Variants in ANK2 observed in about 807,000 individuals in gnomAD.
The protein encoded by ANK2 is ankyrin 2, also known as ankyrin-2.
A neutral mutation model predicts 360.5 loss-of-function variants in ANK2; 83 were observed. The ratio of observed to expected loss-of-function variants is 0.23; its 90% CI spans 0.19 to 0.28. The LOEUF (loss-of-function observed/expected upper bound fraction) is 0.28, where lower values mean the gene tolerates loss of function less well. ANK2 is among the 10% of genes least tolerant of loss of function. The probability of loss-of-function intolerance (pLI) is 1.00; values close to 1 mark genes in which losing one functional copy is unlikely to be tolerated. For missense variants in ANK2, 4,201 were observed against 4,795.7 expected (o/e 0.88, Z 3.66); for synonymous variants, 1,740 against 1,759.5 (o/e 0.99, Z 0.28).
chr4:113,169,713 A>G (rs1053727534), intron 1 of ANK2, among the ~76,000 whole-genome samples: 2 of 152,222 alleles, frequency 1.3e-5, no homozygotes, highest in Non-Finnish European at 2.9e-5. Context: ...TTTAAAGTAT[A>G]TAAAAAATTA....
chr4:112,773,136 G>C, the ANK2 span, among the ~76,000 whole-genome samples: 1 of 152,052 alleles, frequency 6.6e-6, no homozygotes, highest in South Asian at 2.1e-4. Flanking sequence ...TGGGCAACAT[G>C]GCAAAACCCC....
intron 2 of ANK2, among the ~76,000 whole-genome samples, chr4:112,913,411 C>T (rs1280077282): frequency 6.6e-6 from 1 of 152,136 alleles, no homozygotes; most frequent in African/African-American, 2.4e-5. Context: ...ACGATCCTAC[C>T]ACCTCAACCT....
chr4:113,276,274 T>A (rs951079005), intron 15 of ANK2, among the ~76,000 whole-genome samples: 7 of 152,184 alleles, frequency 4.6e-5, no homozygotes, highest in Admixed American at 3.3e-4. Flanking sequence ...TGACTAGGGC[T>A]GAACAGTGGT....
chr4:113,122,870 A>G (rs1475991697), intron 1 of ANK2, among the ~76,000 whole-genome samples: 1 of 151,722 alleles, frequency 6.6e-6, no homozygotes, highest in Non-Finnish European at 1.5e-5. Flanking sequence ...TGCATTATTA[A>G]TGACACTCTT....
intron 1 of ANK2, among the ~76,000 whole-genome samples, chr4:113,152,732 T>C (rs7666110): frequency 0.69 from 103,976 of 151,730 alleles, 36,182 homozygotes; most frequent in African/African-American, 0.8. Flanking sequence ...CACAGGGAGA[T>C]TCTGTCTCTA....
chr4:112,740,151 A>G, the ANK2 span, among the ~76,000 whole-genome samples: 2 of 149,488 alleles, frequency 1.3e-5, no homozygotes, highest in African/African-American at 2.4e-5. Context: ...TCTGATGAGG[A>G]AAAAAAAAAG....
At chr4:113,109,087 A>C (rs1345597867) in intron 1 of ANK2, among the ~76,000 whole-genome samples, 1 of 151,986 alleles carries the variant, frequency 6.6e-6, no homozygotes, top group African/African-American at 2.4e-5. Context: ...ATCTGTTCTT[A>C]CGCAAAGCAG....
intron 1 of ANK2, among the ~76,000 whole-genome samples, chr4:113,066,093 A>G (rs537096908): frequency 6.6e-6 from 1 of 152,340 alleles, no homozygotes; most frequent in South Asian, 2.1e-4. Flanking sequence ...TGAACCATTA[A>G]CACATATGTC....
rs953103720 is a variant in ANK2 at position 113,323,320 on chromosome 4, C to G, written c.2900+4700C>G. Among the ~76,000 whole-genome samples the G allele has an allele frequency of 7.2e-5, 11 of 152,024 alleles. No individual in the cohort carries two copies. In the East Asian group the frequency reaches 1.9e-3, roughly 27 times the overall value. On this transcript the variant is annotated intron_variant, in intron 26 of 45. Coordinates refer to ENST00000357077, the MANE Select transcript of ANK2 (RefSeq NM_001148.6). The stretch of plus-strand genomic sequence containing the variant: ...TTGTTGATCTATACTTTAAATTGTG[C>G]CTTTTCTTTTTGCATTTCTTCTGTG...
chr4:113,146,400 T>C (rs1346075082), intron 1 of ANK2, among the ~76,000 whole-genome samples: 1 of 152,208 alleles, frequency 6.6e-6, no homozygotes, highest in African/African-American at 2.4e-5. Context: ...TCTCACTAAG[T>C]CACAGAGCAT....
chr4:113,017,165 C>T (rs2056858317), intron 2 of ANK2, among the ~76,000 whole-genome samples: 1 of 152,120 alleles, frequency 6.6e-6, no homozygotes, highest in African/African-American at 2.4e-5. Flanking sequence ...TGTATTTTCT[C>T]TGTAAGGGTT....
In ANK2 at chr4:113,049,742, A is replaced by T; in HGVS notation, c.14A>T (p.Asp5Val). The change falls in exon 1 of 46, where the codon GAT becomes GTT. Residue 5 changes from aspartate to valine, a missense_variant. Around this residue, in one of 4 missense-constraint regions of ANK2, gnomAD observed 169 missense variants for 191.1 expected, o/e 0.88. Coordinates refer to ENST00000357077, the MANE Select transcript of ANK2 (RefSeq NM_001148.6). The part of the protein sequence containing the change: MMNE[D>V]AAQKSDSGEK... ...AAACTGTTCAAAATGATGAACGAAG[A>T]TGCAGCTCAGAAAAGCGACAGTGGA... 6.3e-7 allele frequency: 1 copy of T among 1,596,904 alleles called. No individual in the cohort carries two copies. The highest frequency in any genetic ancestry group is 8.5e-7 in the Non-Finnish European group (1 of 1,169,814).
At chr4:113,322,759 A>G (rs549306239) in intron 26 of ANK2, among the ~76,000 whole-genome samples, 4 of 152,184 alleles carry the variant, frequency 2.6e-5, no homozygotes, top group African/African-American at 9.6e-5. Flanking sequence ...AATAAAGTCT[A>G]TTTTAAAAAT....
At chr4:112,732,819 C>G in the ANK2 span, among the ~76,000 whole-genome samples, 10 of 152,156 alleles carry the variant, frequency 6.6e-5, no homozygotes, top group African/African-American at 2.2e-4. Flanking sequence ...TGGTGGCTCA[C>G]GCCTATAATC....
chr4:112,826,977 C>T (rs1257472648), intron 1 of ANK2: 11 of 1,531,942 alleles, frequency 7.2e-6, no homozygotes, highest in Non-Finnish European at 9.9e-6. Flanking sequence ...TAAAGATGAA[C>T]CATTTCTTTT....
chr4:113,199,726 A>G (rs1185269330), intron 4 of ANK2, among the ~76,000 whole-genome samples: 6 of 152,118 alleles, frequency 3.9e-5, no homozygotes, highest in Admixed American at 2.0e-4. Flanking sequence ...CTATTATATC[A>G]TGTACGCATG....
intron 1 of ANK2, among the ~76,000 whole-genome samples, chr4:112,869,751 C>T (rs1218994072): frequency 1.3e-5 from 2 of 152,148 alleles, no homozygotes; most frequent in Admixed American, 1.3e-4. Flanking sequence ...GGTGTGATCT[C>T]TGCTCACTGC....
the ANK2 span, among the ~76,000 whole-genome samples, chr4:112,745,031 C>G: frequency 6.6e-6 from 1 of 152,128 alleles, no homozygotes; most frequent in African/African-American, 2.4e-5. Context: ...CATATGTGAT[C>G]AAGTAGTTTT....
chr4:112,823,628 A>T (rs1210093154), intron 1 of ANK2, among the ~76,000 whole-genome samples: 9 of 152,164 alleles, frequency 5.9e-5, no homozygotes, highest in Admixed American at 5.2e-4. Context: ...CTAATTGTAA[A>T]TTTCACTCTT....
Sources: gnomAD v4.1 joint callset for allele counts (sites outside exome capture counted in the v4.1 genomes callset) on GRCh38, gnomAD v4.1.1 for gene constraint, gnomAD v4.1.1 regional missense constraint, MANE v1.5 for transcripts, NCBI Gene and HGNC (gene_info 2026-07-23, HGNC 2026-07-21) for gene names.